The following MCF2 variants were observed in gnomAD, a reference collection of about 807,000 sequenced individuals.
MCF2 encodes MCF.2 cell line derived transforming sequence, also known as proto-oncogene DBL.
Under a neutral mutation model 82.5 loss-of-function variants are expected in MCF2, and 44 were observed. The observed-to-expected ratio is 0.53, with a 90% CI of 0.42 to 0.69. The LOEUF is 0.69. Among genes scored for constraint, MCF2 ranks in the 30% least tolerant of loss-of-function variants. MCF2 has a pLI of 0.00. For synonymous variants in MCF2, 217 were observed against 224.9 expected, an observed-to-expected ratio of 0.96 and a Z score of 0.32; for missense variants, 623 against 663.1, an observed-to-expected ratio of 0.94 and a Z score of 0.66.
intron 1 of MCF2, among the ~76,000 whole-genome samples, chrX:139,690,714 T>C (rs1603308951): frequency 8.9e-6 from 1 of 111,772 alleles, no homozygotes; most frequent in East Asian, 2.8e-4. Context: ...TTGGAACATG[T>C]GTTGTGGCTA....
chrX:139,615,519 C>T (rs1425967685), intron 9 of MCF2, among the ~76,000 whole-genome samples: 1 of 111,928 alleles, frequency 8.9e-6, no homozygotes, highest in Admixed American at 9.5e-5. Flanking sequence ...ATGGATAATA[C>T]ACCTTTGTAC....
At chrX:139,642,112 G>C (rs1420652204) in intron 1 of MCF2, among the ~76,000 whole-genome samples, 3 of 111,567 alleles carry the variant, frequency 2.7e-5, no homozygotes. Flanking sequence ...CATGGTGAAA[G>C]AAAGGATGAA....
At chrX:139,622,911 C>G (rs1049910290) in intron 6 of MCF2, among the ~76,000 whole-genome samples, 2 of 110,734 alleles carry the variant, frequency 1.8e-5, no homozygotes, top group Non-Finnish European at 3.8e-5. Flanking sequence ...ACTAATAACT[C>G]CACTAAAAAG....
chrX:139,587,160 T>C (rs112206642), intron 22 of MCF2, among the ~76,000 whole-genome samples: 2,735 of 111,324 alleles, frequency 0.025, 41 homozygotes, highest in East Asian at 0.079. Flanking sequence ...ATTCTTTCTG[T>C]ATATATGCAA....
At chrX:139,631,351 C>A (rs776112205) in intron 3 of MCF2, 44 bp downstream of exon 6, 1 of 725,560 alleles carries the variant, frequency 1.4e-6, no homozygotes, top group East Asian at 3.4e-5. Context: ...TAAAGGCTAA[C>A]ATGAAGAACT....
intron 1 of MCF2, among the ~76,000 whole-genome samples, chrX:139,655,651 CTAA>C (rs1182385281): frequency 2.7e-5 from 3 of 111,038 alleles, no homozygotes; most frequent in Non-Finnish European, 5.7e-5. Context: ...GGTATTTCTC[CTAA>C]TGTTATCCCT....
chrX:139,599,117 G>C (rs1209573297), intron 16 of MCF2, among the ~76,000 whole-genome samples: 3 of 108,975 alleles, frequency 2.8e-5, no homozygotes, highest in Admixed American at 9.8e-5. Context: ...AAAGGGATTG[G>C]GGAAAAATAC....
rs1021609461 is a variant in MCF2 at position 139,635,298 on chromosome X, C to G, written c.52-2844G>C. On this transcript the variant is annotated intron_variant, in intron 1 of 24. Coordinates refer to ENST00000370576, the Ensembl canonical transcript of MCF2. ...GAGACAGAGAAACAGAGAGTTCCAA[C>G]GGTAATGTATATCCTACCTTCTATT... is the stretch of plus-strand genomic sequence containing the variant. Among the ~76,000 whole-genome samples the G allele has an allele frequency of 4.5e-5, 5 of 110,471 alleles. No homozygotes were observed. In the South Asian group the frequency reaches 2.0e-3, roughly 43 times the overall value.
chrX:139,673,278 T>C (rs748291590), intron 1 of MCF2, among the ~76,000 whole-genome samples: 3 of 111,499 alleles, frequency 2.7e-5, no homozygotes, highest in East Asian at 2.8e-4. Context: ...CCTGGATTCA[T>C]TGATTTTTTT....
At chrX:139,667,390 G>A (rs773171349) in intron 1 of MCF2, among the ~76,000 whole-genome samples, 3 of 111,125 alleles carry the variant, frequency 2.7e-5, no homozygotes, top group South Asian at 3.9e-4. Context: ...TTACAGGCAT[G>A]AGCCAGCATG....
intron 2 of MCF2, among the ~76,000 whole-genome samples, chrX:139,649,542 T>C: frequency 8.9e-6 from 1 of 111,800 alleles, no homozygotes; most frequent in African/African-American, 3.2e-5. Flanking sequence ...ACTACACTTA[T>C]CAAAGGAAAG....
At position 139,667,074 on chromosome X, in the gene MCF2, A is replaced by C. The variant is rs1934541907; in HGVS notation, c.-44-15286T>G. Among the ~76,000 whole-genome samples, 5 of 111,035 alleles carry C rather than the reference A, an allele frequency of 4.5e-5. No homozygotes were observed. In the Admixed American group the frequency reaches 4.8e-4, roughly 11 times the overall value. On this transcript the variant is annotated intron_variant, in intron 1 of 27. Transcript: ENST00000414978. ...AGAATTTCTATTCGGTTCTCTTTTAAAATATCCATCTCTTTGGTAAACTTC... is the reference window on the plus strand; with the variant it reads ...AGAATTTCTATTCGGTTCTCTTTTACAATATCCATCTCTTTGGTAAACTTC...
rs757980936 is a variant in MCF2, at chrX:139,693,437, G to A, written c.-45+14669C>T. Among the ~76,000 whole-genome samples, 4 of 108,979 alleles carry A rather than the reference G, an allele frequency of 3.7e-5. No homozygotes were observed. The South Asian group carries it at 1.6e-3, about 45-fold the overall frequency. 94.6% of individuals were successfully genotyped at this position (108,979 alleles called of 115,157 possible). On this transcript the variant is annotated intron_variant, in intron 1 of 27. Coordinates refer to the MCF2 transcript ENST00000414978. ...GAGGAATCGCCAATTTATACCTGAG[G>A]AAAGTGGGGATAGGCAAGTGCAAAA...
chrX:139,700,938 T>C (rs1003271989), intron 1 of MCF2, among the ~76,000 whole-genome samples: 40 of 110,392 alleles, frequency 3.6e-4, no homozygotes, highest in African/African-American at 1.2e-3. Flanking sequence ...AGGGTAGGAG[T>C]GAGGCTCATG....
chrX:139,625,862 TC>T (rs1384893388), intron 6 of MCF2, among the ~76,000 whole-genome samples: 3 of 111,763 alleles, frequency 2.7e-5, no homozygotes, highest in Non-Finnish European at 5.6e-5. Flanking sequence ...TTGGTATTAT[TC>T]CCTTGGAAAG....
intron 1 of MCF2, among the ~76,000 whole-genome samples, chrX:139,693,009 G>A (rs1258535852): frequency 8.9e-6 from 1 of 111,908 alleles, no homozygotes; most frequent in Non-Finnish European, 1.9e-5. Flanking sequence ...AAACGGAAAG[G>A]CAAGAGGAGG....
intron 12 of MCF2, among the ~76,000 whole-genome samples, chrX:139,606,412 C>T (rs1452550307): frequency 1.4e-4 from 15 of 110,725 alleles, no homozygotes. Flanking sequence ...GGCTTGAGTG[C>T]AGTGGGGTAA....
intron 1 of MCF2, among the ~76,000 whole-genome samples, chrX:139,699,452 G>C (rs1022049305): frequency 8.9e-6 from 1 of 111,850 alleles, no homozygotes; most frequent in African/African-American, 3.2e-5. Flanking sequence ...TCTAATTTTA[G>C]AACATCTCAT....
upstream of MCF2, among the ~76,000 whole-genome samples, chrX:139,647,721 C>T (rs750458469): frequency 1.9e-3 from 213 of 111,561 alleles, no homozygotes; most frequent in African/African-American, 6.5e-3. Context: ...CAGCTCTGGG[C>T]TTTCATTTTG....
Sources: allele counts gnomAD v4.1 joint callset (sites outside exome capture counted in the v4.1 genomes callset), GRCh38; gene constraint gnomAD v4.1.1; transcripts MANE v1.5; gene names NCBI Gene and HGNC (gene_info 2026-07-23, HGNC 2026-07-21).